Variants in MTR observed in about 807,000 individuals in gnomAD.
MTR encodes the protein 5-methyltetrahydrofolate-homocysteine methyltransferase, also known as methionine synthase.
A neutral mutation model predicts 154.8 loss-of-function variants in MTR; 84 were observed. That is an observed-to-expected ratio of 0.54 (90% confidence interval 0.45 to 0.65). The LOEUF is 0.65. Ranked by LOEUF, MTR falls within the 30% of genes least tolerant of loss-of-function variation. The pLI is 0.00. For missense variants in MTR, 1,275 were observed against 1,570.2 expected (o/e 0.81, Z 3.18); for synonymous variants, 554 against 553.9 (o/e 1.00, Z 0.00).
chr1:236,801,102 C>T (rs896218522), intron 1 of MTR, among the ~76,000 whole-genome samples: 2 of 152,140 alleles, frequency 1.3e-5, no homozygotes, highest in African/African-American at 2.4e-5. Context: ...CTTGAAATGG[C>T]GCCCACTGCC....
intron 13 of MTR, among the ~76,000 whole-genome samples, chr1:236,832,468 GC>G (rs1343831542): frequency 6.6e-6 from 1 of 152,174 alleles, no homozygotes; most frequent in Admixed American, 6.5e-5. Context: ...CGCATCAAAC[GC>G]TGACTGTTGA....
chr1:236,878,283 C>T (rs758097988), intron 24 of MTR, among the ~76,000 whole-genome samples: 2 of 152,082 alleles, frequency 1.3e-5, no homozygotes, highest in Non-Finnish European at 1.5e-5. Flanking sequence ...AAATAGAAAG[C>T]ATTCAGGAGT....
At chr1:236,872,270 G>A (rs1184230072) in intron 22 of MTR, among the ~76,000 whole-genome samples, 2 of 152,122 alleles carry the variant, frequency 1.3e-5, no homozygotes, top group Non-Finnish European at 2.9e-5. Context: ...CTCTGAGAGT[G>A]TGCTCCAGGC....
intron 13 of MTR, among the ~76,000 whole-genome samples, chr1:236,835,102 A>T (rs1418459636): frequency 6.6e-6 from 1 of 151,762 alleles, no homozygotes; most frequent in African/African-American, 2.4e-5. Context: ...TTTGGAGGAG[A>T]TGGGGCTTGA....
At chr1:236,841,064 G>A (rs1197725444) in intron 15 of MTR, among the ~76,000 whole-genome samples, 1 of 152,138 alleles carries the variant, frequency 6.6e-6, no homozygotes, top group Non-Finnish European at 1.5e-5. Flanking sequence ...AAAGCCTTCA[G>A]CCTTCTAGAT....
At chr1:236,876,886 G>A (rs1259663119) in intron 24 of MTR, among the ~76,000 whole-genome samples, 2 of 152,164 alleles carry the variant, frequency 1.3e-5, no homozygotes, top group Admixed American at 1.3e-4. Flanking sequence ...CATTGTCTGG[G>A]AAACTGTAAA....
chr1:236,807,809 A>C (rs1476203994), intron 3 of MTR, among the ~76,000 whole-genome samples: 1 of 152,194 alleles, frequency 6.6e-6, no homozygotes, highest in Non-Finnish European at 1.5e-5. Context: ...CAGATAGTAC[A>C]TATTTCGGCT....
At chr1:236,820,524 G>C (rs1454312503) in intron 8 of MTR, 3 of 803,208 alleles carry the variant, frequency 3.7e-6, no homozygotes, top group East Asian at 2.6e-5. Flanking sequence ...GTCTTAAGCT[G>C]TTCTTACCTG....
chr1:236,880,748 T>G lies in MTR; in HGVS notation c.2595-7T>G, dbSNP rs772343012. On this transcript the variant is annotated splice_region_variant and splice_polypyrimidine_tract_variant and intron_variant, in intron 24 of 32. Transcript: ENST00000366577. ...GGATATATTTTCTTTCTGACCCTTC[T>G]TTTTAGAACCCACACAGCAGTTAAA... 3.1e-6 allele frequency: 5 copies of G among 1,613,074 alleles called. No homozygotes were observed. The East Asian group carries it at 1.1e-4, about 36-fold the overall frequency.
At position 236,901,953 on chromosome 1, in the gene MTR, A is replaced by T. The variant is rs1211600206; in HGVS notation, c.*4309A>T. ...GATTTTACGCGCTAGATAGGTCTTA[A>T]GTTCATCTCTACGCCTGCCCTGGTT... is the stretch of plus-strand genomic sequence containing the variant. On this transcript the variant is annotated 3_prime_UTR_variant, in exon 33 of 33. Transcript: ENST00000366577. The T allele has an allele frequency of 6.6e-6, 1 of 152,250 alleles. No homozygotes were observed. Among genetic ancestry groups the T allele is most frequent in the Non-Finnish European group, 1.5e-5 (1 of 68,094 alleles). 9.4% of individuals were successfully genotyped at this position (152,250 alleles called of 1,614,324 possible).
At position 236,897,314 on chromosome 1, in the gene MTR, A is replaced by G. The variant is rs202173360; in HGVS notation, c.3711+196A>G. On this transcript the variant is annotated intron_variant, in intron 32 of 32. Coordinates refer to ENST00000366577, the MANE Select transcript of MTR (RefSeq NM_000254.3). ...CTACATGCAAGCCACACACACGCAC[A>G]CACACACACACACACACACACACAC... Among the ~76,000 whole-genome samples, 2,268 of 80,830 alleles carry G rather than the reference A, an allele frequency of 0.028. 60 individuals are homozygous for G. Among genetic ancestry groups the G allele is most frequent in the South Asian group, 0.14 (370 of 2,668 alleles). The allele number at this position is 80,830 out of a possible 152,430, so 53.0% of individuals were successfully genotyped here.
At chr1:236,826,971 T>C in intron 11 of MTR, 75 bp downstream of exon 11, 1 of 1,350,446 alleles carries the variant, frequency 7.4e-7, no homozygotes, top group Non-Finnish European at 1.1e-6. Context: ...GTACTTTTTG[T>C]TATGGGCTGA....
intron 18 of MTR, among the ~76,000 whole-genome samples, chr1:236,854,247 T>C (rs1445159420): frequency 2.0e-5 from 3 of 152,122 alleles, no homozygotes; most frequent in Non-Finnish European, 4.4e-5. Flanking sequence ...AGCCTTAGGC[T>C]CAACAAAGCT....
At chr1:236,868,641 T>G (rs1664951541) in intron 22 of MTR, among the ~76,000 whole-genome samples, 1 of 152,332 alleles carries the variant, frequency 6.6e-6, no homozygotes, top group African/African-American at 2.4e-5. Flanking sequence ...TGTTTAATTA[T>G]GTAAGAAAAA....
intron 1 of MTR, among the ~76,000 whole-genome samples, chr1:236,798,981 G>A (rs1034996705): frequency 4.6e-5 from 7 of 152,098 alleles, no homozygotes; most frequent in Non-Finnish European, 1.0e-4. Flanking sequence ...TGGAAAAACT[G>A]GAGGAATACA....
Position 236,891,196 on chromosome 1 carries a change from A to G in MTR, c.3071A>G (p.Lys1024Arg), listed in dbSNP as rs1666299043. Residue 1024 changes from lysine to arginine, a missense_variant, in exon 29 of 33, where the codon AAG (lysine) becomes AGG (arginine). Lys to Arg is a conservative substitution (Grantham distance 26). Transcript: ENST00000366577. ...HNMLNTLISQ[K>R]KLRARGVVGF... ...ATGCTGAACACACTGATTAGTCAAA[A>G]GAAACTCCGGGCCCGGGGTGTGGTT... 1.2e-6 allele frequency: 2 copies of G among 1,614,050 alleles called. No homozygotes were observed. Among genetic ancestry groups the G allele is most frequent in the African/African-American group, 1.3e-5 (1 of 74,926 alleles).
At chr1:236,886,042 C>A (rs1665991044) in intron 26 of MTR, among the ~76,000 whole-genome samples, 1 of 152,176 alleles carries the variant, frequency 6.6e-6, no homozygotes, top group South Asian at 2.1e-4. Context: ...CAGGTTCAGG[C>A]CGCAGAACTA....
chr1:236,885,323 C>T, intron 26 of MTR, 104 bp downstream of exon 26: 1 of 761,534 alleles, frequency 1.3e-6, no homozygotes, highest in Non-Finnish European at 2.3e-6. Context: ...GTGTAAAAGG[C>T]TTTGGATCAT....
At chr1:236,854,119 TC>T (rs1664067702) in intron 18 of MTR, among the ~76,000 whole-genome samples, 1 of 152,212 alleles carries the variant, frequency 6.6e-6, no homozygotes, top group Non-Finnish European at 1.5e-5. Context: ...CTTTGCCTCT[TC>T]CACAGAAGAG....
Sources: gnomAD v4.1 joint callset for allele counts (sites outside exome capture counted in the v4.1 genomes callset) on GRCh38, gnomAD v4.1.1 for gene constraint, MANE v1.5 for transcripts, NCBI Gene and HGNC (gene_info 2026-07-23, HGNC 2026-07-21) for gene names.